The following KCNQ1 variants were observed in gnomAD, a reference collection of about 807,000 sequenced individuals.
The protein encoded by KCNQ1 is potassium voltage-gated channel subfamily Q member 1, also known as potassium voltage-gated channel subfamily KQT member 1.
In KCNQ1, 49 loss-of-function variants were observed where a neutral mutation model predicts 72.4. That is an observed-to-expected ratio of 0.68 (90% CI 0.54 to 0.86). KCNQ1 has a LOEUF of 0.86. KCNQ1 is among the 40% of genes least tolerant of loss of function. The pLI is 0.00. For missense variants in KCNQ1, 790 were observed against 945.1 expected (o/e 0.84, Z 2.15); for synonymous variants, 450 against 412.6 (o/e 1.09, Z -1.10).
At chr11:2,740,095 T>C (rs779186818) in intron 11 of KCNQ1, among the ~76,000 whole-genome samples, 2 of 152,212 alleles carry the variant, frequency 1.3e-5, no homozygotes, top group Non-Finnish European at 2.9e-5. Flanking sequence ...AAGCCCTGCA[T>C]GGCGCCCAGG....
intron 12 of KCNQ1, among the ~76,000 whole-genome samples, chr11:2,775,507 C>T (rs1158197975): frequency 6.6e-6 from 1 of 152,240 alleles, no homozygotes; most frequent in Non-Finnish European, 1.5e-5. Context: ...GTGGCGGCTG[C>T]AGCCAGTGAG....
rs113724486 is a variant in KCNQ1, at chr11:2,720,711, C to T, written c.1515-48133C>T. ...CCAGCCCCTTCCCCCTTTTGCAGGG[C>T]GGCTCCCAGAACCTAGGAGTCCATG... On this transcript the variant is annotated intron_variant, in intron 11 of 15. Transcript: ENST00000155840. The surrounding 1 kb of genome is among the most constrained non-coding windows in gnomAD (Gnocchi z 5.1). 1.7e-3 allele frequency among the ~76,000 whole-genome samples: 259 copies of T among 152,276 alleles called. 1 individual carries two copies. The highest frequency in any genetic ancestry group is 5.8e-3 in the African/African-American group (239 of 41,552).
rs920293849 is a variant in KCNQ1 at position 2,658,220 on chromosome 11, G to T, written c.1394-3741G>T. 2 of 398,438 alleles carry T rather than the reference G, an allele frequency of 5.0e-6. No individual in the cohort carries two copies. The highest frequency in any genetic ancestry group is 8.8e-6 in the Non-Finnish European group (2 of 226,046). The allele number at this position is 398,438 out of a possible 1,614,324, so 24.7% of individuals were successfully genotyped here. ...TAACTAATTTCAGCATTCATTCATG[G>T]ATCGTTTTCCTGCAGCAAATATTAC... On this transcript the variant is annotated intron_variant, in intron 10 of 15. Transcript: ENST00000155840. This position sits in a 1 kb window ranked among gnomAD's most constrained non-coding sequence, Gnocchi z 4.9.
intron 10 of KCNQ1, chr11:2,616,217 ATTTTTGTTTTTTTTTGTTG>A: frequency 2.6e-6 from 1 of 384,776 alleles, no homozygotes; most frequent in Non-Finnish European, 4.5e-6. Context: ...TTTTTTTCTT[ATTTTTGTTTTTTTTTGTTG>A]TGTTCCTACT....
intron 1 of KCNQ1, among the ~76,000 whole-genome samples, chr11:2,517,187 C>G (rs961514388): frequency 1.3e-5 from 2 of 152,192 alleles, no homozygotes; most frequent in Admixed American, 1.3e-4. Context: ...GCCTGAGCGT[C>G]CAGGAGCCCC....
chr11:2,524,037 A>C (rs536194807), intron 1 of KCNQ1, among the ~76,000 whole-genome samples: 1 of 152,226 alleles, frequency 6.6e-6, no homozygotes, highest in Non-Finnish European at 1.5e-5. Context: ...TGTGTGGCCA[A>C]AGGGGCTTTG....
chr11:2,603,832 G>A lies in KCNQ1; in HGVS notation c.1393+14978G>A, dbSNP rs12797641. On this transcript the variant is annotated intron_variant, in intron 10 of 15. Transcript: ENST00000155840. This position sits in a 1 kb window ranked among gnomAD's most constrained non-coding sequence, Gnocchi z 4.1. ...CAGCCTCCCAAGTAGGTGGGATTACGGGCACGCACCACCAAGCCCGGCTAA... is the reference window on the plus strand; with the variant it reads ...CAGCCTCCCAAGTAGGTGGGATTACAGGCACGCACCACCAAGCCCGGCTAA... Among the ~76,000 whole-genome samples, 41,901 of 151,650 alleles carry A rather than the reference G, an allele frequency of 0.28. 7,117 individuals carry two copies. Among genetic ancestry groups the A allele is most frequent in the African/African-American group, 0.48 (19,691 of 41,326 alleles).
intron 15 of KCNQ1, among the ~76,000 whole-genome samples, chr11:2,819,107 G>GTTCA (rs373616466): frequency 3.9e-4 from 60 of 152,180 alleles, no homozygotes; most frequent in Admixed American, 1.9e-3. Flanking sequence ...TTGTTCATTG[G>GTTCA]TTCATTCATT....
At chr11:2,542,369 G>A (rs1294625652) in intron 2 of KCNQ1, among the ~76,000 whole-genome samples, 9 of 152,384 alleles carry the variant, frequency 5.9e-5, no homozygotes, top group Non-Finnish European at 8.8e-5. Flanking sequence ...CACCAAAGGC[G>A]CGCTAATTGC....
chr11:2,582,035 G>A (rs755592042), intron 6 of KCNQ1, among the ~76,000 whole-genome samples: 2 of 152,218 alleles, frequency 1.3e-5, no homozygotes, highest in African/African-American at 2.4e-5. Context: ...CCTGGGTGGC[G>A]GCCAGGGCTC....
At chr11:2,570,864 G>A in intron 3 of KCNQ1, 110 bp downstream of exon 3, 3 of 1,486,620 alleles carry the variant, frequency 2.0e-6, no homozygotes, top group Non-Finnish European at 2.8e-6. Flanking sequence ...GGAACCCCAA[G>A]GCCAGCAGGG....
In KCNQ1 at chr11:2,468,410, G is replaced by A. The variant is rs144490345; in HGVS notation, c.386+22926G>A. ...GATCTGCCTGCCTCAGCCTCCCAAA[G>A]TGCTGGGATTACAGGCATGCACTTT... is the stretch of plus-strand genomic sequence containing the variant. On this transcript the variant is annotated intron_variant, in intron 1 of 15. Coordinates refer to ENST00000155840, the MANE Select transcript of KCNQ1 (RefSeq NM_000218.3). This position sits in a 1 kb window ranked among gnomAD's most constrained non-coding sequence, Gnocchi z 5.7. Among the ~76,000 whole-genome samples the A allele has an allele frequency of 1.2e-3, 176 of 152,322 alleles. No individual in the cohort carries two copies. Among genetic ancestry groups the A allele is most frequent in the Non-Finnish European group, 2.1e-3 (143 of 68,014 alleles).
intron 15 of KCNQ1, among the ~76,000 whole-genome samples, chr11:2,794,819 G>A (rs992644066): frequency 6.6e-6 from 1 of 152,134 alleles, no homozygotes; most frequent in East Asian, 1.9e-4. Flanking sequence ...CCACATACCT[G>A]TTCTTCCCAA....
intron 15 of KCNQ1, among the ~76,000 whole-genome samples, chr11:2,800,919 T>A (rs973072911): frequency 4.1e-4 from 63 of 152,200 alleles, no homozygotes; most frequent in African/African-American, 1.5e-3. Context: ...CAGGCACTCA[T>A]GAGGACAGGG....
At chr11:2,580,249 CGGCTGCCTCGGGA>C (rs1345538809) in intron 6 of KCNQ1, among the ~76,000 whole-genome samples, 1 of 151,854 alleles carries the variant, frequency 6.6e-6, no homozygotes, top group Non-Finnish European at 1.5e-5. Flanking sequence ...GGTTTGTCCT[CGGCTGCCTCGGGA>C]GGCAGCCGTG....
chr11:2,680,144 A>G, intron 11 of KCNQ1: 1 of 395,372 alleles, frequency 2.5e-6, no homozygotes, highest in Non-Finnish European at 4.4e-6. Flanking sequence ...TGCCCGCCTC[A>G]GCCTCCTAAA....
chr11:2,689,289 C>T (rs1850548899), intron 11 of KCNQ1: 1 of 398,714 alleles, frequency 2.5e-6, no homozygotes, highest in Non-Finnish European at 4.4e-6. Context: ...ATATCTCCCA[C>T]TCCAACCCTA....
intron 10 of KCNQ1, chr11:2,648,981 C>CTTTTTTTTTTTTTTTTTTTTTTTTTTTTT: frequency 2.3e-5 from 5 of 213,306 alleles, no homozygotes; most frequent in Admixed American, 1.9e-4. Context: ...TTTTCTTTTT[C>CTTTTTTTTTTTTTTTTTTTTTTTTTTTTT]TTTTTTTTTT....
In KCNQ1 at chr11:2,596,640, G is replaced by T. The variant is rs1171845490; in HGVS notation, c.1393+7786G>T. On this transcript the variant is annotated intron_variant, in intron 10 of 15. Coordinates refer to ENST00000155840, the MANE Select transcript of KCNQ1 (RefSeq NM_000218.3). ...TTATTTATGTAAAAATCTAGAAAAT[G>T]ACCACTAATATAGAGTGACAAACAA... Among the ~76,000 whole-genome samples the T allele has an allele frequency of 2.6e-5, 4 of 151,744 alleles. No individual in the cohort carries two copies. The East Asian group carries it at 7.7e-4, about 29-fold the overall frequency.
Sources: allele counts gnomAD v4.1 joint callset (sites outside exome capture counted in the v4.1 genomes callset), GRCh38; gene constraint gnomAD v4.1.1; non-coding constraint Gnocchi (gnomAD v3.1); transcripts MANE v1.5; gene names NCBI Gene and HGNC (gene_info 2026-07-23, HGNC 2026-07-21).